Variants in TULP4 observed in about 807,000 individuals in gnomAD.
TULP4 encodes tubby-related protein 4.
Under a neutral mutation model 129.0 loss-of-function variants are expected in TULP4, and 16 were observed. The ratio of observed to expected loss-of-function variants is 0.12; its 90% CI spans 0.08 to 0.19. The LOEUF (loss-of-function observed/expected upper bound fraction) is 0.19. Among genes scored for constraint, TULP4 ranks in the 10% least tolerant of loss-of-function variants. The pLI, the probability that TULP4 is intolerant of heterozygous loss-of-function variation, is 1.00. For missense variants in TULP4, 1,842 were observed against 2,059.1 expected (o/e 0.89, Z 2.04); for synonymous variants, 998 against 854.0 (o/e 1.17, Z -2.94).
chr6:158,359,794 A>C (rs952586265), intron 1 of TULP4, among the ~76,000 whole-genome samples: 2 of 152,232 alleles, frequency 1.3e-5, no homozygotes, highest in African/African-American at 4.8e-5. Flanking sequence ...TAAATTAAAA[A>C]AATTTAAAAC....
At chr6:158,316,980 A>G (rs1476041303) in intron 1 of TULP4, among the ~76,000 whole-genome samples, 2 of 152,040 alleles carry the variant, frequency 1.3e-5, no homozygotes, top group East Asian at 3.9e-4. Flanking sequence ...CTGACTTTTC[A>G]TGTCTGAAAA....
chr6:158,489,703 C>T lies in TULP4; in HGVS notation c.1602C>T (p.Ser534=), dbSNP rs1217946627. ...CTGCCAAGAAATCTCCCAAAATCTCCAGAGCTAGCAAATCACCCAAACTCC... is the reference window on the plus strand; with the variant it reads ...CTGCCAAGAAATCTCCCAAAATCTCTAGAGCTAGCAAATCACCCAAACTCC... ...DWAAKKSPKI[S]RASKSPKLPR... Residue 534 remains serine (S), a synonymous_variant, in exon 9 of 14, where the codon TCC becomes TCT. Transcript: ENST00000367097. 1.9e-6 allele frequency: 3 copies of T among 1,614,198 alleles called. No homozygotes were observed. The highest frequency in any genetic ancestry group is 2.5e-6 in the Non-Finnish European group (3 of 1,180,034).
intron 1 of TULP4, among the ~76,000 whole-genome samples, chr6:158,351,919 A>C (rs1780534876): frequency 6.6e-6 from 1 of 151,734 alleles, no homozygotes; most frequent in Non-Finnish European, 1.5e-5. Context: ...ACAGGGTTTC[A>C]CCATGTTGGC....
At position 158,284,173 on chromosome 6, in the gene TULP4, T is replaced by A. The variant is rs1444468036; in HGVS notation, n.116+1795T>A. Among the ~76,000 whole-genome samples, 7 of 152,252 alleles carry A rather than the reference T, an allele frequency of 4.6e-5. No individual in the cohort carries two copies. In the East Asian group the frequency reaches 1.3e-3, roughly 29 times the overall value. ...GAAGGTCTAAAACTGAATTGGGAAG[T>A]GAGCACTGAAGGCCGGGGCCTGGGA... On this transcript the variant is annotated intron_variant and non_coding_transcript_variant, in intron 1 of 1. Coordinates refer to the TULP4 transcript ENST00000432358.
In TULP4 at chr6:158,395,676, G is replaced by GGGGGGGC. The variant is rs1343281231; in HGVS notation, c.253-17387_253-17386insGGGGCGG. Among the ~76,000 whole-genome samples the GGGGGGGC allele has an allele frequency of 1.1e-4, 15 of 133,244 alleles. 1 individual carries two copies. Among genetic ancestry groups the GGGGGGGC allele is most frequent in the South Asian group, 5.6e-4 (2 of 3,542 alleles). The allele number at this position is 133,244 out of a possible 152,430, so 87.4% of individuals were successfully genotyped here. A position where few individuals can be genotyped will look rare whatever the true frequency, so the allele number is the denominator to read the frequency against. ...TGAGGTAAAGTGATGGGCGGGGGGG[G>GGGGGGGC]GGTCATGGCAGAAGCACCTGGGATG... On this transcript the variant is annotated intron_variant, in intron 1 of 13. Transcript: ENST00000367097.
intron 1 of TULP4, among the ~76,000 whole-genome samples, chr6:158,271,934 ACTCAC>A (rs757877390): frequency 9.8e-5 from 15 of 152,342 alleles, no homozygotes; most frequent in Non-Finnish European, 1.9e-4. Flanking sequence ...CATTGAAAGG[ACTCAC>A]TGGGACACAT....
At chr6:158,482,546 G>T (rs1562585305) in intron 8 of TULP4, among the ~76,000 whole-genome samples, 1 of 152,210 alleles carries the variant, frequency 6.6e-6, no homozygotes. Context: ...AGGAAGGAAG[G>T]CACAGTGGGA....
rs550805954 is a variant in TULP4 at position 158,485,791 on chromosome 6, A to T, written c.1487-3797A>T. ...AAAATTCAATGGAATTTTCTTTGCG[A>T]GATTTGGGATTTGCTTGGAACCTGT... is the stretch of plus-strand genomic sequence containing the variant. On this transcript the variant is annotated intron_variant, in intron 8 of 13. Transcript: ENST00000367097. Among the ~76,000 whole-genome samples, 16 of 152,312 alleles carry T rather than the reference A, an allele frequency of 1.1e-4. No homozygotes were observed. The East Asian group carries it at 2.9e-3, about 28-fold the overall frequency.
chr6:158,304,488 G>A (rs1779182636), intron 1 of TULP4, among the ~76,000 whole-genome samples: 1 of 152,078 alleles, frequency 6.6e-6, no homozygotes, highest in African/African-American at 2.4e-5. Context: ...AAAACACCCA[G>A]GATTGCCCTT....
chr6:158,400,121 T>C (rs1368709115), intron 1 of TULP4, among the ~76,000 whole-genome samples: 1 of 152,244 alleles, frequency 6.6e-6, no homozygotes. Flanking sequence ...GATCAGTTTA[T>C]TGAGATTTAC....
At chr6:158,284,483 A>G (rs914242268) in intron 1 of TULP4, among the ~76,000 whole-genome samples, 1 of 152,184 alleles carries the variant, frequency 6.6e-6, no homozygotes, top group Non-Finnish European at 1.5e-5. Context: ...CGATAGAAAC[A>G]TTGCTAGACA....
At chr6:158,305,324 CGTGTGTGTGTGTGTGTGTGTGTGT>C (rs34836137) in intron 1 of TULP4, among the ~76,000 whole-genome samples, 3 of 141,748 alleles carry the variant, frequency 2.1e-5, no homozygotes, top group African/African-American at 2.6e-5. Context: ...ATTCTGTGTG[CGTGTGTGTGTGTGTGTGTGTGTGT>C]GTGTGTGTGT....
chr6:158,395,854 C>A (rs1253791499), intron 1 of TULP4, among the ~76,000 whole-genome samples: 1 of 151,684 alleles, frequency 6.6e-6, no homozygotes, highest in Non-Finnish European at 1.5e-5. Context: ...AGAAGTCTGT[C>A]ATTTTTCAAA....
chr6:158,309,488 T>C (rs1394034873), upstream of TULP4, among the ~76,000 whole-genome samples: 1 of 147,248 alleles, frequency 6.8e-6, no homozygotes, highest in Non-Finnish European at 1.5e-5. Flanking sequence ...CCAGACGGGG[T>C]GGCGGCCGGG....
rs532459622 is a variant in TULP4, at chr6:158,418,612, T to A, written c.381+5419T>A. On this transcript the variant is annotated intron_variant, in intron 2 of 13. Coordinates refer to ENST00000367097, the MANE Select transcript of TULP4 (RefSeq NM_020245.5). ...CAAGACCTCATCTCAACAAAAATAG[T>A]TTTAAAATTAGCTTGGTATGGTTTC... Among the ~76,000 whole-genome samples, 32 of 152,122 alleles carry A rather than the reference T, an allele frequency of 2.1e-4. No individual in the cohort carries two copies. In the South Asian group the frequency reaches 6.4e-3, roughly 31 times the overall value.
chr6:158,249,062 G>C (rs1583674198), intron 1 of TULP4, among the ~76,000 whole-genome samples: 1 of 148,226 alleles, frequency 6.7e-6, no homozygotes, highest in Non-Finnish European at 1.5e-5. Flanking sequence ...GGAGGTCAAG[G>C]CTGGGTGACA....
chr6:158,378,485 T>TTTTTTGTGG (rs1554285635), intron 1 of TULP4, among the ~76,000 whole-genome samples: 1 of 51,414 alleles, frequency 1.9e-5, no homozygotes, highest in African/African-American at 7.6e-5. Context: ...TTTTTTTTTT[T>TTTTTTGTGG]GGTGGGGGTG....
chr6:158,448,019 C>T (rs1380838688), intron 3 of TULP4, among the ~76,000 whole-genome samples: 1 of 152,158 alleles, frequency 6.6e-6, no homozygotes, highest in African/African-American at 2.4e-5. Context: ...GCCCAGGACC[C>T]AAGATTCCTC....
chr6:158,385,776 C>CTTGCCA (rs1459705087), intron 1 of TULP4, among the ~76,000 whole-genome samples: 3 of 137,384 alleles, frequency 2.2e-5, no homozygotes, highest in African/African-American at 8.3e-5. Flanking sequence ...CCAAAATAGT[C>CTTGCCA]TTGCCATCAG....
Sources: gnomAD v4.1 joint callset for allele counts (sites outside exome capture counted in the v4.1 genomes callset) on GRCh38, gnomAD v4.1.1 for gene constraint, MANE v1.5 for transcripts, NCBI Gene and HGNC (gene_info 2026-07-23, HGNC 2026-07-21) for gene names.